IGSF11: variants seen among roughly 807,000 people sequenced by gnomAD.
The protein encoded by IGSF11 is CXADR like 1.
In IGSF11, 22 loss-of-function variants were observed where a neutral mutation model predicts 41.0. That is an observed-to-expected ratio of 0.54 (90% CI 0.38 to 0.77). IGSF11 has a LOEUF of 0.77. Among genes scored for constraint, IGSF11 ranks in the 30% least tolerant of loss-of-function variants. IGSF11 has a pLI of 0.00. For synonymous variants in IGSF11, 219 were observed against 201.3 expected, an observed-to-expected ratio of 1.09 and a Z score of -0.74; for missense variants, 444 against 530.8, an observed-to-expected ratio of 0.84 and a Z score of 1.61.
chr3:118,941,506 T>C (rs1196374269), intron 1 of IGSF11, among the ~76,000 whole-genome samples: 2 of 152,216 alleles, frequency 1.3e-5, no homozygotes, highest in Non-Finnish European at 2.9e-5. Flanking sequence ...CTAACTCTCA[T>C]ACATTTCTGA....
chr3:119,057,820 A>T (rs999042397), intron 1 of IGSF11, among the ~76,000 whole-genome samples: 1 of 152,314 alleles, frequency 6.6e-6, no homozygotes, highest in African/African-American at 2.4e-5. Context: ...ATAACGCTGC[A>T]TATCTACAAC....
chr3:119,113,090 A>G (rs1369766594), intron 1 of IGSF11, among the ~76,000 whole-genome samples: 3 of 152,164 alleles, frequency 2.0e-5, no homozygotes, highest in South Asian at 2.1e-4. Flanking sequence ...AGTCTGCCCC[A>G]CGATCCAATT....
intron 1 of IGSF11, among the ~76,000 whole-genome samples, chr3:119,127,411 C>T (rs544702055): frequency 7.3e-5 from 11 of 151,672 alleles, no homozygotes; most frequent in African/African-American, 1.2e-4. Context: ...ATTGGAGTAC[C>T]AGGAGACAGG....
At chr3:119,067,038 C>A (rs899501360) in intron 1 of IGSF11, among the ~76,000 whole-genome samples, 1 of 152,088 alleles carries the variant, frequency 6.6e-6, no homozygotes, top group South Asian at 2.1e-4. Context: ...GTGGCCCGAG[C>A]ATAACTGTCT....
At chr3:118,930,993 G>A (rs1312949238) in intron 1 of IGSF11, among the ~76,000 whole-genome samples, 1 of 152,146 alleles carries the variant, frequency 6.6e-6, no homozygotes, top group Non-Finnish European at 1.5e-5. Context: ...AGCTGTAGTA[G>A]GACAGTATGG....
chr3:118,998,166 T>G (rs1370177172), intron 1 of IGSF11, among the ~76,000 whole-genome samples: 1 of 152,168 alleles, frequency 6.6e-6, no homozygotes, highest in Non-Finnish European at 1.5e-5. Context: ...ACAGTAAGTG[T>G]CAGATGAGTT....
intron 1 of IGSF11, among the ~76,000 whole-genome samples, chr3:119,031,385 AC>A (rs1437778200): frequency 6.6e-6 from 1 of 152,192 alleles, no homozygotes; most frequent in Non-Finnish European, 1.5e-5. Flanking sequence ...TGTATTACTC[AC>A]TGCAACTAAA....
intron 4 of IGSF11, among the ~76,000 whole-genome samples, chr3:118,908,608 G>C (rs939027190): frequency 6.6e-6 from 1 of 152,146 alleles, no homozygotes; most frequent in Non-Finnish European, 1.5e-5. Context: ...TTCTTTTAAA[G>C]AATAGGGAAA....
chr3:119,092,121 C>CTAA (rs2076772978), intron 1 of IGSF11, among the ~76,000 whole-genome samples: 1 of 151,722 alleles, frequency 6.6e-6, no homozygotes. Context: ...AAGCAATTTT[C>CTAA]ATGCCTCAGA....
chr3:118,977,951 C>T (rs770514691), intron 1 of IGSF11, among the ~76,000 whole-genome samples: 2 of 152,134 alleles, frequency 1.3e-5, no homozygotes, highest in Non-Finnish European at 1.5e-5. Flanking sequence ...AACAGAGGGG[C>T]GGCCATGCAT....
intron 1 of IGSF11, among the ~76,000 whole-genome samples, chr3:118,990,769 C>T (rs1196753085): frequency 6.6e-6 from 1 of 151,984 alleles, no homozygotes; most frequent in Admixed American, 6.6e-5. Context: ...TTCTGGACAA[C>T]AGAAACCTGA....
intron 1 of IGSF11, among the ~76,000 whole-genome samples, chr3:119,008,602 C>T (rs542437487): frequency 9.6e-4 from 146 of 152,292 alleles, no homozygotes; most frequent in Middle Eastern, 3.4e-3. Context: ...ACCTCCACAA[C>T]ATTTTTGGTG....
chr3:118,992,721 A>C (rs1302616742), intron 1 of IGSF11, among the ~76,000 whole-genome samples: 1 of 152,236 alleles, frequency 6.6e-6, no homozygotes, highest in Non-Finnish European at 1.5e-5. Flanking sequence ...AATAGGCAAA[A>C]GAAATTTCAC....
chr3:119,095,558 T>C (rs1021723743), intron 1 of IGSF11, among the ~76,000 whole-genome samples: 1 of 152,308 alleles, frequency 6.6e-6, no homozygotes, highest in Non-Finnish European at 1.5e-5. Context: ...TTACTGTTCA[T>C]GGATCCTGGC....
At chr3:119,011,597 G>A (rs1370211566) in intron 1 of IGSF11, among the ~76,000 whole-genome samples, 1 of 152,014 alleles carries the variant, frequency 6.6e-6, no homozygotes, top group Non-Finnish European at 1.5e-5. Context: ...GGAAAGAAGA[G>A]GGCCACAGAA....
chr3:118,969,603 T>C (rs889769467), intron 1 of IGSF11, among the ~76,000 whole-genome samples: 5 of 152,182 alleles, frequency 3.3e-5, no homozygotes, highest in African/African-American at 4.8e-5. Context: ...CAGCAGGTAC[T>C]AGGGCAAAGC....
intron 1 of IGSF11, among the ~76,000 whole-genome samples, chr3:118,950,208 A>T (rs1944471088): frequency 6.6e-6 from 1 of 152,178 alleles, no homozygotes; most frequent in Admixed American, 6.5e-5. Context: ...TGCAGGCTCC[A>T]TCATGAATGG....
chr3:119,063,827 G>A (rs1942132485), intron 1 of IGSF11, among the ~76,000 whole-genome samples: 1 of 152,202 alleles, frequency 6.6e-6, no homozygotes, highest in Non-Finnish European at 1.5e-5. Flanking sequence ...GAGGAACCAA[G>A]AGAGAGAAGG....
intron 1 of IGSF11, among the ~76,000 whole-genome samples, chr3:119,058,197 T>C (rs1367270926): frequency 1.3e-5 from 2 of 151,778 alleles, no homozygotes. Context: ...ACCTACAAAA[T>C]GGGAGAAAAT....
Sources: gnomAD v4.1 joint callset for allele counts (sites outside exome capture counted in the v4.1 genomes callset) on GRCh38, gnomAD v4.1.1 for gene constraint, MANE v1.5 for transcripts, NCBI Gene and HGNC (gene_info 2026-07-23, HGNC 2026-07-21) for gene names.